The following RARB variants were observed in gnomAD, a reference collection of about 807,000 sequenced individuals.
RARB encodes retinoic acid receptor beta, also known as HBV-activated protein.
A neutral mutation model predicts 51.9 loss-of-function variants in RARB; 17 were observed. That is an observed-to-expected ratio of 0.33 (90% CI 0.22 to 0.49). RARB has a LOEUF of 0.49. Among genes scored for constraint, RARB ranks in the 20% least tolerant of loss-of-function variants. The probability of loss-of-function intolerance (pLI) is 0.99; values close to 1 mark genes in which losing one functional copy is unlikely to be tolerated. For synonymous variants in RARB, 215 were observed against 195.4 expected, an observed-to-expected ratio of 1.10 and a Z score of -0.84; for missense variants, 369 against 550.8, an observed-to-expected ratio of 0.67 and a Z score of 3.30.
At chr3:24,908,437 A>G (rs1694913450) in intron 2 of RARB, among the ~76,000 whole-genome samples, 1 of 152,196 alleles carries the variant, frequency 6.6e-6, no homozygotes, top group Non-Finnish European at 1.5e-5. Context: ...TCCATCAAGG[A>G]AAATCAATGA....
chr3:25,349,945 G>A (rs1321278618), intron 5 of RARB, among the ~76,000 whole-genome samples: 1 of 152,024 alleles, frequency 6.6e-6, no homozygotes, highest in Non-Finnish European at 1.5e-5. Context: ...TGATTGACAA[G>A]TTGGTACTGG....
chr3:25,262,439 C>T (rs1333409397), intron 5 of RARB, among the ~76,000 whole-genome samples: 1 of 152,196 alleles, frequency 6.6e-6, no homozygotes, highest in Admixed American at 6.5e-5. Flanking sequence ...TTCTGCATGT[C>T]TGAAATCTAA....
In RARB at chr3:24,865,265, G is replaced by A. The variant is rs114261088; in HGVS notation, c.-380+6513G>A. On this transcript the variant is annotated intron_variant, in intron 2 of 11. Coordinates refer to the RARB transcript ENST00000383772. ...TATACGGAAATTTACGTGCACTCAA[G>A]TCTCACAGTTGGCCCTGTACACCTG... 6.7e-3 allele frequency among the ~76,000 whole-genome samples: 1,023 copies of A among 152,146 alleles called. 16 individuals carry two copies. Among genetic ancestry groups the A allele is most frequent in the African/African-American group, 0.024 (998 of 41,514 alleles).
intron 2 of RARB, among the ~76,000 whole-genome samples, chr3:25,007,705 A>C (rs7629031): frequency 0.33 from 50,059 of 151,630 alleles, 10,349 homozygotes; most frequent in African/African-American, 0.59. Context: ...ATAAGACTCA[A>C]GTACCCACCA....
intron 2 of RARB, among the ~76,000 whole-genome samples, chr3:24,930,998 G>A (rs1305838683): frequency 1.3e-5 from 2 of 152,082 alleles, no homozygotes; most frequent in Non-Finnish European, 2.9e-5. Flanking sequence ...AGGTGACAGA[G>A]TGAGACTCTG....
chr3:25,487,037 T>C (rs1159749583), intron 2 of RARB, among the ~76,000 whole-genome samples: 1 of 152,196 alleles, frequency 6.6e-6, no homozygotes, highest in East Asian at 1.9e-4. Context: ...GGAGGGATGC[T>C]GGACTAGTTC....
At chr3:24,878,772 C>A (rs150093909) in intron 2 of RARB, among the ~76,000 whole-genome samples, 16 of 152,196 alleles carry the variant, frequency 1.1e-4, no homozygotes, top group Non-Finnish European at 2.2e-4. Context: ...TCTGCAGATA[C>A]CATTTGTAGA....
intron 2 of RARB, among the ~76,000 whole-genome samples, chr3:25,051,902 A>G (rs1698341111): frequency 6.6e-6 from 1 of 152,174 alleles, no homozygotes; most frequent in Non-Finnish European, 1.5e-5. Context: ...GTGTGAAAAG[A>G]CTTTCTCACA....
At chr3:24,854,898 C>T (rs1047080189) in intron 1 of RARB, among the ~76,000 whole-genome samples, 5 of 152,166 alleles carry the variant, frequency 3.3e-5, no homozygotes, top group South Asian at 2.1e-4. Context: ...ACCACTAGCA[C>T]GACCTCAATC....
At chr3:25,177,567 C>G (rs1700780873) in intron 5 of RARB, among the ~76,000 whole-genome samples, 2 of 152,328 alleles carry the variant, frequency 1.3e-5, no homozygotes, top group African/African-American at 4.8e-5. Flanking sequence ...TAGTGAGGGT[C>G]TGTCAGCACC....
intron 5 of RARB, among the ~76,000 whole-genome samples, chr3:25,338,013 C>A (rs1179789746): frequency 6.6e-6 from 1 of 151,956 alleles, no homozygotes; most frequent in Non-Finnish European, 1.5e-5. Flanking sequence ...AACACTATAT[C>A]TTTCACTGAA....
At chr3:25,224,360 G>A (rs772791994) in intron 5 of RARB, among the ~76,000 whole-genome samples, 14 of 152,104 alleles carry the variant, frequency 9.2e-5, no homozygotes, top group Non-Finnish European at 1.3e-4. Flanking sequence ...AACTTATAAG[G>A]TGCCAGCTAC....
chr3:25,012,261 G>A (rs4241543), intron 2 of RARB, among the ~76,000 whole-genome samples: 122,816 of 152,028 alleles, frequency 0.81, 49,888 homozygotes, highest in African/African-American at 0.89. Context: ...TTACTAATAC[G>A]TAGGAAAGCT....
chr3:25,014,508 G>A (rs1697467089), intron 2 of RARB, among the ~76,000 whole-genome samples: 1 of 152,114 alleles, frequency 6.6e-6, no homozygotes, highest in South Asian at 2.1e-4. Context: ...CCCCAGTCAT[G>A]TAGACGAATC....
chr3:24,985,962 G>C (rs1376852759), intron 2 of RARB, among the ~76,000 whole-genome samples: 1 of 152,242 alleles, frequency 6.6e-6, no homozygotes, highest in Non-Finnish European at 1.5e-5. Flanking sequence ...GCGCTCATCT[G>C]TGTCCATATT....
At chr3:25,007,175 G>A (rs1052666863) in intron 2 of RARB, among the ~76,000 whole-genome samples, 1 of 152,148 alleles carries the variant, frequency 6.6e-6, no homozygotes, top group Non-Finnish European at 1.5e-5. Context: ...AAAGAAAAAG[G>A]CCAGGGAGCC....
intron 1 of RARB, among the ~76,000 whole-genome samples, chr3:25,460,111 ACT>A (rs1308494475): frequency 1.3e-5 from 2 of 151,988 alleles, no homozygotes; most frequent in Non-Finnish European, 2.9e-5. Context: ...GAATCGCACC[ACT>A]CTGTGTCATC....
intron 5 of RARB, among the ~76,000 whole-genome samples, chr3:25,282,691 G>C (rs1703555648): frequency 6.6e-6 from 1 of 152,140 alleles, no homozygotes; most frequent in Non-Finnish European, 1.5e-5. Flanking sequence ...CCAGGGCATT[G>C]CTGCTAGGCT....
At chr3:25,490,181 C>T (rs538115415) in intron 2 of RARB, among the ~76,000 whole-genome samples, 34 of 152,226 alleles carry the variant, frequency 2.2e-4, no homozygotes, top group Admixed American at 9.8e-4. Flanking sequence ...ACTCCAGGTT[C>T]GGGATGGAAC....
Sources: gnomAD v4.1 joint callset for allele counts (sites outside exome capture counted in the v4.1 genomes callset) on GRCh38, gnomAD v4.1.1 for gene constraint, MANE v1.5 for transcripts, NCBI Gene and HGNC (gene_info 2026-07-23, HGNC 2026-07-21) for gene names.